GOLGA4: variants seen among roughly 807,000 people sequenced by gnomAD.
GOLGA4 encodes the protein golgin subfamily A member 4.
Under a neutral mutation model 265.9 loss-of-function variants are expected in GOLGA4, and 169 were observed. The ratio of observed to expected loss-of-function variants is 0.64; its 90% CI spans 0.56 to 0.72. The LOEUF is 0.72. Among genes scored for constraint, GOLGA4 ranks in the 30% least tolerant of loss-of-function variants. GOLGA4 has a pLI of 0.00. For synonymous variants in GOLGA4, 923 were observed against 855.8 expected, an observed-to-expected ratio of 1.08 and a Z score of -1.37; for missense variants, 2,482 against 2,483.4, an observed-to-expected ratio of 1.00 and a Z score of 0.01.
intron 2 of GOLGA4, among the ~76,000 whole-genome samples, chr3:37,254,085 G>A (rs78015537): frequency 0.047 from 7,119 of 151,742 alleles, 305 homozygotes; most frequent in Admixed American, 0.12. Context: ...TTTATTGTAT[G>A]CAAACTAATA....
In GOLGA4 at chr3:37,282,272, G is replaced by A. The variant is rs761270788; in HGVS notation, c.477G>A (p.Glu159=). ...SLSSYRGKYS[E]LVTAYQMLQR... The stretch of plus-strand genomic sequence containing the variant: ...GTAGCTACAGGGGAAAATATTCTGA[G>A]GTAGGAGCATGACCTTTTTGCCTGT... Residue 159 remains glutamate, a splice_region_variant and synonymous_variant, in exon 3 of 24, where the codon GAG becomes GAA. Transcript: ENST00000361924. 2.5e-6 allele frequency: 4 copies of A among 1,611,786 alleles called. No individual in the cohort carries two copies. Among genetic ancestry groups the A allele is most frequent in the Non-Finnish European group, 3.4e-6 (4 of 1,178,302 alleles).
chr3:37,357,762 C>CCA (rs2097094433), intron 22 of GOLGA4, among the ~76,000 whole-genome samples: 1 of 152,190 alleles, frequency 6.6e-6, no homozygotes, highest in Admixed American at 6.5e-5. Flanking sequence ...TTTCATATCC[C>CCA]TGTCCATTGA....
At position 37,325,618 on chromosome 3, in the gene GOLGA4, T is replaced by C. The variant is rs1304840634; in HGVS notation, c.3732T>C (p.Asn1244=). The change falls in exon 14 of 24, where the codon AAT becomes AAC. Residue 1244 remains asparagine, a synonymous_variant. Coordinates refer to ENST00000361924, the MANE Select transcript of GOLGA4 (RefSeq NM_002078.5). ...ELINISSSKT[N]AILSRISHCQ... ...TCAACATTAGTAGTAGTAAAACTAATGCCATTCTTTCTAGGATTTCTCATT... is the reference window on the plus strand; with the variant it reads ...TCAACATTAGTAGTAGTAAAACTAACGCCATTCTTTCTAGGATTTCTCATT... The C allele has an allele frequency of 6.2e-7, 1 of 1,613,776 alleles. No individual in the cohort carries two copies.
At chr3:37,307,344 G>C (rs1262099825) in intron 10 of GOLGA4, among the ~76,000 whole-genome samples, 1 of 152,126 alleles carries the variant, frequency 6.6e-6, no homozygotes, top group Non-Finnish European at 1.5e-5. Context: ...CTTTAAAATA[G>C]TTTATCTGTT....
chr3:37,361,591 T>C (rs1314405319), intron 23 of GOLGA4, among the ~76,000 whole-genome samples: 1 of 152,258 alleles, frequency 6.6e-6, no homozygotes, highest in Non-Finnish European at 1.5e-5. Context: ...AAAAAGTATT[T>C]ATGTAACTTA....
chr3:37,257,915 G>A (rs1207646061), intron 2 of GOLGA4, among the ~76,000 whole-genome samples: 5 of 114,926 alleles, frequency 4.4e-5, no homozygotes, highest in East Asian at 4.8e-4. Flanking sequence ...ATATATATAT[G>A]TATGTATATA....
At chr3:37,329,550 G>A (rs2096983429) in intron 16 of GOLGA4, among the ~76,000 whole-genome samples, 1 of 152,164 alleles carries the variant, frequency 6.6e-6, no homozygotes, top group South Asian at 2.1e-4. Context: ...TCTCTACCCA[G>A]TGTGTGGAGG....
intron 17 of GOLGA4, among the ~76,000 whole-genome samples, chr3:37,336,723 C>T (rs184777201): frequency 3.3e-5 from 5 of 151,282 alleles, no homozygotes; most frequent in East Asian, 1.9e-4. Flanking sequence ...GAGCCGAGAT[C>T]GTGCCATTGC....
At chr3:37,265,530 C>T (rs759807318) in intron 2 of GOLGA4, among the ~76,000 whole-genome samples, 4 of 152,002 alleles carry the variant, frequency 2.6e-5, no homozygotes, top group Non-Finnish European at 4.4e-5. Context: ...GTGTTCTTTA[C>T]TATGCATTTT....
chr3:37,342,355 A>T (rs2097038671), intron 20 of GOLGA4, among the ~76,000 whole-genome samples: 1 of 152,084 alleles, frequency 6.6e-6, no homozygotes, highest in South Asian at 2.1e-4. Flanking sequence ...AAAATAAATA[A>T]AGAGTAAATT....
chr3:37,315,634 A>G, intron 11 of GOLGA4, 36 bp downstream of exon 11: 1 of 1,532,626 alleles, frequency 6.5e-7, no homozygotes, highest in Non-Finnish European at 9.0e-7. Context: ...GGCTACAACA[A>G]ATTTGAAATT....
In GOLGA4 at chr3:37,282,157, A is replaced by G. The variant is rs1332680364; in HGVS notation, c.362A>G (p.Asp121Gly). The change falls in exon 3 of 24, where the codon GAT becomes GGT. Residue 121 changes from aspartate to glycine, a missense_variant. By Grantham distance (94) the Asp-to-Gly change is moderately conservative. Transcript: ENST00000361924. ...TASFDPPSDM[D>G]SEAEDLVGNS... ...AGTTTTGATCCACCCTCTGATATGG[A>G]TAGCGAGGCTGAAGACTTGGTAGGG... 1.2e-6 allele frequency: 2 copies of G among 1,614,066 alleles called. No individual in the cohort carries two copies. The highest frequency in any genetic ancestry group is 1.7e-6 in the Non-Finnish European group (2 of 1,179,874).
chr3:37,350,879 G>C (rs1292974994), intron 21 of GOLGA4, among the ~76,000 whole-genome samples: 1 of 152,052 alleles, frequency 6.6e-6, no homozygotes, highest in Non-Finnish European at 1.5e-5. Flanking sequence ...TGAGCCTTCA[G>C]CAAGTCATAA....
intron 21 of GOLGA4, among the ~76,000 whole-genome samples, chr3:37,350,691 A>G (rs2097071128): frequency 6.6e-6 from 1 of 152,148 alleles, no homozygotes; most frequent in Non-Finnish European, 1.5e-5. Flanking sequence ...GACCACTGCA[A>G]TAAATGAATA....
At chr3:37,303,760 G>A (rs558562898) in intron 10 of GOLGA4, among the ~76,000 whole-genome samples, 1 of 152,168 alleles carries the variant, frequency 6.6e-6, no homozygotes, top group Non-Finnish European at 1.5e-5. Flanking sequence ...AGCTGCTTCT[G>A]CTGACGCTTA....
At chr3:37,337,214 T>C in intron 18 of GOLGA4, 51 bp downstream of exon 18, 1 of 989,498 alleles carries the variant, frequency 1.0e-6, no homozygotes, top group Non-Finnish European at 1.5e-6. Flanking sequence ...TTGAGACAGA[T>C]TCTCACTCTG....
At chr3:37,309,877 G>A (rs981880150) in intron 10 of GOLGA4, among the ~76,000 whole-genome samples, 3 of 152,212 alleles carry the variant, frequency 2.0e-5, no homozygotes, top group Non-Finnish European at 2.9e-5. Context: ...AAGACCCCAG[G>A]ATCTTTGGAC....
At position 37,325,866 on chromosome 3, in the gene GOLGA4, G is replaced by A. The variant is rs772407692; in HGVS notation, c.3980G>A (p.Gly1327Glu). 18 of 1,613,556 alleles carry A rather than the reference G, an allele frequency of 1.1e-5. No homozygotes were observed. Among genetic ancestry groups the A allele is most frequent in the Non-Finnish European group, 1.5e-5 (18 of 1,179,742 alleles). ...GAAAAAGAAGCCTTACAGAAGGAAG[G>A]AGGCAATCAGCAACAGGCTGCTTCT... ...VTEKEALQKE[G>E]GNQQQAASEK... is the part of the protein sequence containing the mutation. Residue 1327 changes from glycine (G) to glutamate (E), a missense_variant, in exon 14 of 24, where the codon GGA becomes GAA. This residue lies in a region of GOLGA4 where 1,536 missense variants were observed against 1,483.7 expected (regional missense o/e 1.04). Transcript: ENST00000361924.
chr3:37,348,271 G>C (rs2097062452), intron 21 of GOLGA4, among the ~76,000 whole-genome samples: 1 of 152,158 alleles, frequency 6.6e-6, no homozygotes, highest in Admixed American at 6.5e-5. Flanking sequence ...CTAAATACCA[G>C]GAGTGGGTTA....
Sources: allele counts gnomAD v4.1 joint callset (sites outside exome capture counted in the v4.1 genomes callset), GRCh38; gene constraint gnomAD v4.1.1; regional missense constraint gnomAD v4.1.1; transcripts MANE v1.5; gene names NCBI Gene and HGNC (gene_info 2026-07-23, HGNC 2026-07-21).